The following KDR variants were observed in gnomAD, a reference collection of about 807,000 sequenced individuals.
The protein encoded by KDR is vascular endothelial growth factor receptor 2.
KDR carries 43 observed loss-of-function variants against 160.9 expected under a neutral mutation model. That is an observed-to-expected ratio of 0.27 (90% CI 0.21 to 0.34). The LOEUF (loss-of-function observed/expected upper bound fraction) is 0.34, where lower values mean the gene tolerates loss of function less well. KDR is among the 10% of genes least tolerant of loss of function. The probability of loss-of-function intolerance (pLI) is 1.00; values close to 1 mark genes in which losing one functional copy is unlikely to be tolerated. For missense variants in KDR, 1,469 were observed against 1,666.4 expected, an observed-to-expected ratio of 0.88 and a Z score of 2.06; for synonymous variants, 617 against 600.1, an observed-to-expected ratio of 1.03 and a Z score of -0.41.
intron 27 of KDR, among the ~76,000 whole-genome samples, chr4:55,084,138 G>A (rs944620568): frequency 6.6e-6 from 1 of 152,120 alleles, no homozygotes; most frequent in African/African-American, 2.4e-5. Context: ...GAAAATTTGA[G>A]GAACTTATCC....
At chr4:55,101,438 A>G (rs990531775) in intron 15 of KDR, among the ~76,000 whole-genome samples, 1 of 152,222 alleles carries the variant, frequency 6.6e-6, no homozygotes, top group Admixed American at 6.5e-5. Context: ...ATGTGTGTCT[A>G]TAAGATACAA....
At position 55,092,717 on chromosome 4, in the gene KDR, G is replaced by T; in HGVS notation, c.2972-3C>A. 2.5e-6 allele frequency: 4 copies of T among 1,597,090 alleles called. No individual in the cohort carries two copies. The highest frequency in any genetic ancestry group is 3.4e-6 in the Non-Finnish European group (4 of 1,164,518). ...GTCCTTATACAGATCTTCAGGAGCT[G>T]TCCAAAGAGGCAGGAGGATGGAGAT... is the stretch of plus-strand genomic sequence containing the variant. On this transcript the variant is annotated splice_region_variant and splice_polypyrimidine_tract_variant and intron_variant, in intron 21 of 29. Transcript: ENST00000263923.
intron 27 of KDR, among the ~76,000 whole-genome samples, chr4:55,085,209 A>C (rs2110007610): frequency 6.6e-6 from 1 of 152,308 alleles, no homozygotes; most frequent in African/African-American, 2.4e-5. Flanking sequence ...AAGCATGCAA[A>C]CTTGAGGCCA....
chr4:55,123,224 T>A (rs1000575026), intron 1 of KDR, among the ~76,000 whole-genome samples: 1 of 152,184 alleles, frequency 6.6e-6, no homozygotes, highest in African/African-American at 2.4e-5. Context: ...GATTTCAAAC[T>A]TGACTGGGGA....
At position 55,090,004 on chromosome 4, in the gene KDR, G is replaced by A. The variant is rs1560514151; in HGVS notation, c.3144C>T (p.Gly1048=). ...EKNVVKICDF[G]LARDIYKDPD... is the part of the protein sequence containing the mutation. The stretch of plus-strand genomic sequence containing the variant: ...GATCTTTATAAATATCCCGGGCCAA[G>A]CCAAAGTCACAGATTTTAACCACGT... The change falls in exon 23 of 30, where the codon GGC becomes GGT. Residue 1048 remains glycine (G), a synonymous_variant. Coordinates refer to ENST00000263923, the MANE Select transcript of KDR (RefSeq NM_002253.4). The A allele has an allele frequency of 6.2e-7, 1 of 1,614,036 alleles. No individual in the cohort carries two copies. Among genetic ancestry groups the A allele is most frequent in the Non-Finnish European group, 8.5e-7 (1 of 1,179,954 alleles).
Position 55,107,730 on chromosome 4 carries a change from T to C in KDR, c.1412+7A>G, listed in dbSNP as rs1194581647. ...CAGGAAAGCAAAGAGCATGTGGCCT[T>C]ACTCACCTGGGCTCGTTGGCGCACT... On this transcript the variant is annotated splice_region_variant and intron_variant, in intron 10 of 29. Transcript: ENST00000263923. 8.7e-6 allele frequency: 14 copies of C among 1,613,906 alleles called. No homozygotes were observed. Among genetic ancestry groups the C allele is most frequent in the Admixed American group, 1.7e-5 (1 of 60,004 alleles).
Position 55,079,859 on chromosome 4 carries a change from G to C in KDR, c.*82C>G. 3.2e-6 allele frequency: 4 copies of C among 1,248,756 alleles called. No individual in the cohort carries two copies. Among genetic ancestry groups the C allele is most frequent in the Non-Finnish European group, 4.7e-6 (4 of 847,918 alleles). 77.4% of individuals were successfully genotyped at this position (1,248,756 alleles called of 1,614,324 possible). On this transcript the variant is annotated 3_prime_UTR_variant, in exon 30 of 30. Coordinates refer to ENST00000263923, the MANE Select transcript of KDR (RefSeq NM_002253.4). ...TGAAAATCAAATGCGGCTACTTCCT[G>C]CTGGTGGAAAGAACAACACTTGAAA...
At position 55,118,146 on chromosome 4, in the gene KDR, G is replaced by T. The variant is rs569685409; in HGVS notation, c.358+458C>A. Among the ~76,000 whole-genome samples the T allele has an allele frequency of 3.3e-5, 5 of 152,240 alleles. No homozygotes were observed. The East Asian group carries it at 9.7e-4, about 29-fold the overall frequency. ...TATGAAATACTAGTAAGAAAAAAAG[G>T]TTCCTATGTGCAAAAAACTCCAGAG... On this transcript the variant is annotated intron_variant, in intron 3 of 29. Coordinates refer to ENST00000263923, the MANE Select transcript of KDR (RefSeq NM_002253.4).
At chr4:55,096,844 CACTAAG>C in intron 18 of KDR, 1 of 194,342 alleles carries the variant, frequency 5.1e-6, no homozygotes, top group Admixed American at 5.3e-5. Flanking sequence ...AGGCTGATGG[CACTAAG>C]ACTATGTGTT....
At position 55,110,440 on chromosome 4, in the gene KDR, C is replaced by T. The variant is rs1720548011; in HGVS notation, c.1218G>A (p.Lys406=). The part of the protein sequence containing the change: ...YTVILTNPIS[K]EKQSHVVSLV... Reference sequence around the variant, plus strand: ...GAGAGACCACATGGCTCTGCTTCTCCTTTGAAATGGGATTGGTAAGGATGA... The same window carrying T: ...GAGAGACCACATGGCTCTGCTTCTCTTTTGAAATGGGATTGGTAAGGATGA... Residue 406 remains lysine, a synonymous_variant, in exon 9 of 30, where the codon AAG becomes AAA. Transcript: ENST00000263923. 1 of 1,613,960 alleles carries T rather than the reference C, an allele frequency of 6.2e-7. No homozygotes were observed. Among genetic ancestry groups the T allele is most frequent in the African/African-American group, 1.3e-5 (1 of 74,900 alleles).
Position 55,104,632 on chromosome 4 carries a change from T to G in KDR, c.1987+11A>C. 1 of 1,609,310 alleles carries G rather than the reference T, an allele frequency of 6.2e-7. No individual in the cohort carries two copies. Among genetic ancestry groups the G allele is most frequent in the Admixed American group, 1.7e-5 (1 of 59,880 alleles). ...CTGCCTCTGCACAATGATCCAGAATTGTCTCCCTACCTAGGACTGTGAGCT... is the reference window on the plus strand; with the variant it reads ...CTGCCTCTGCACAATGATCCAGAATGGTCTCCCTACCTAGGACTGTGAGCT... On this transcript the variant is annotated intron_variant, in intron 13 of 29. Coordinates refer to ENST00000263923, the MANE Select transcript of KDR (RefSeq NM_002253.4).
intron 14 of KDR, 147 bp from the exon 15 acceptor site, chr4:55,102,175 T>A (rs1328920228): frequency 3.0e-6 from 4 of 1,318,602 alleles, no homozygotes; most frequent in Non-Finnish European, 4.3e-6. Flanking sequence ...TGCTGACTAA[T>A]CTCCTATATG....
intron 19 of KDR, 152 bp from the exon 20 acceptor site, chr4:55,095,817 T>C (rs1403066881): frequency 4.5e-6 from 3 of 667,882 alleles, no homozygotes; most frequent in South Asian, 3.3e-5. Flanking sequence ...CCAATCCCCT[T>C]ATATTGTAGC....
At position 55,107,833 on chromosome 4, in the gene KDR, G is replaced by T; in HGVS notation, c.1316C>A (p.Thr439Asn). The T allele has an allele frequency of 6.2e-7, 1 of 1,613,946 alleles. No homozygotes were observed. Residue 439 changes from threonine (T) to asparagine (N), a missense_variant, in exon 10 of 30, where the codon ACC (threonine) becomes AAC (asparagine). Physicochemically the swap from Thr to Asn is moderately conservative, Grantham distance 65 (BLOSUM62 0). This residue lies in a region of KDR where 792 missense variants were observed against 840.9 expected (regional missense o/e 0.94). Transcript: ENST00000263923. ...ISPVDSYQYG[T>N]TQTLTCTVYA... ...GACCGTACATGTCAGCGTTTGAGTG[G>T]TGCCGTACTGGTAGGAATCCACAGG...
At chr4:55,090,149 G>C (rs2110012021) in intron 22 of KDR, 71 bp from the exon 23 acceptor site, 3 of 1,579,028 alleles carry the variant, frequency 1.9e-6, no homozygotes, top group Non-Finnish European at 1.7e-6. Context: ...GTGACCTCAT[G>C]CATCAAAAAA....
intron 10 of KDR, 112 bp downstream of exon 10, chr4:55,107,623 TGA>T: frequency 7.7e-7 from 1 of 1,301,362 alleles, no homozygotes; most frequent in Non-Finnish European, 1.1e-6. Context: ...GGCTACCTCT[TGA>T]GAGAAAACTT....
chr4:55,123,668 TC>T (rs1305257564), intron 1 of KDR, among the ~76,000 whole-genome samples: 1 of 152,216 alleles, frequency 6.6e-6, no homozygotes, highest in African/African-American at 2.4e-5. Flanking sequence ...GCTGGACTCT[TC>T]AGAAAGTTCT....
intron 13 of KDR, 125 bp from the exon 14 acceptor site, chr4:55,102,633 G>A (rs1018613613): frequency 7.4e-6 from 7 of 945,382 alleles, no homozygotes; most frequent in African/African-American, 4.9e-5. Context: ...TAACTTCTGG[G>A]AAAATACACT....
intron 1 of KDR, among the ~76,000 whole-genome samples, chr4:55,121,610 G>T (rs79163032): frequency 6.6e-6 from 1 of 152,148 alleles, no homozygotes; most frequent in African/African-American, 2.4e-5. Context: ...CCACTTAGAC[G>T]GATTTTTATA....
Sources: allele counts gnomAD v4.1 joint callset (sites outside exome capture counted in the v4.1 genomes callset), GRCh38; gene constraint gnomAD v4.1.1; regional missense constraint gnomAD v4.1.1; transcripts MANE v1.5; gene names NCBI Gene and HGNC (gene_info 2026-07-23, HGNC 2026-07-21).